The following DACH2 variants were observed in gnomAD, a reference collection of about 807,000 sequenced individuals.
DACH2 encodes the protein dachshund homolog 2.
Under a neutral mutation model 35.8 loss-of-function variants are expected in DACH2, and 17 were observed. The observed-to-expected ratio is 0.48, with a 90% confidence interval of 0.33 to 0.71. The LOEUF is 0.71. Among genes scored for constraint, DACH2 ranks in the 30% least tolerant of loss-of-function variants. DACH2 has a pLI of 0.02. For missense variants in DACH2, 469 were observed against 472.7 expected, an observed-to-expected ratio of 0.99 and a Z score of 0.07; for synonymous variants, 195 against 177.3, an observed-to-expected ratio of 1.10 and a Z score of -0.79.
intron 3 of DACH2, among the ~76,000 whole-genome samples, chrX:86,522,445 A>T (rs1190148456): frequency 8.9e-6 from 1 of 111,771 alleles, no homozygotes; most frequent in African/African-American, 3.2e-5. Context: ...TTTAGATATT[A>T]TATCTATGTA....
At chrX:86,172,029 C>A (rs1235166858) in intron 1 of DACH2, among the ~76,000 whole-genome samples, 1 of 111,814 alleles carries the variant, frequency 8.9e-6, no homozygotes, top group East Asian at 2.8e-4. Flanking sequence ...CAACTGCATT[C>A]GAGGTTATTT....
intron 1 of DACH2, chrX:86,160,438 C>G (rs2030712485): frequency 7.4e-6 from 4 of 537,993 alleles, no homozygotes; most frequent in Non-Finnish European, 9.9e-6. Flanking sequence ...CACCGGACTT[C>G]AAGAATTTAG....
intron 1 of DACH2, among the ~76,000 whole-genome samples, chrX:86,250,330 T>C (rs1005044193): frequency 3.6e-5 from 4 of 111,694 alleles, no homozygotes; most frequent in African/African-American, 9.7e-5. Flanking sequence ...TAAAATGTTG[T>C]CAATGTGGTC....
intron 3 of DACH2, among the ~76,000 whole-genome samples, chrX:86,643,533 C>G (rs2040375157): frequency 9.0e-6 from 1 of 111,051 alleles, no homozygotes; most frequent in African/African-American, 3.3e-5. Context: ...ACCAGATGTA[C>G]AAAGAAGAGC....
chrX:86,219,429 A>T (rs868816197), intron 1 of DACH2, among the ~76,000 whole-genome samples: 1 of 111,168 alleles, frequency 9.0e-6, no homozygotes, highest in African/African-American at 3.3e-5. Flanking sequence ...CCAGTACCCA[A>T]TAGTTATCTT....
intron 6 of DACH2, among the ~76,000 whole-genome samples, chrX:86,737,605 C>T (rs1274012749): frequency 9.0e-6 from 1 of 111,331 alleles, no homozygotes; most frequent in African/African-American, 3.3e-5. Flanking sequence ...AGTGGTTTAA[C>T]ACAGTGCAAA....
intron 11 of DACH2, among the ~76,000 whole-genome samples, chrX:86,824,960 T>G (rs2147367068): frequency 8.9e-6 from 1 of 112,403 alleles, no homozygotes; most frequent in East Asian, 2.8e-4. Flanking sequence ...TATATTTTGA[T>G]TTGTTTAAAA....
At chrX:86,672,893 A>C (rs2040781127) in intron 4 of DACH2, among the ~76,000 whole-genome samples, 1 of 111,713 alleles carries the variant, frequency 9.0e-6, no homozygotes, top group African/African-American at 3.3e-5. Flanking sequence ...TGCATTGTGC[A>C]CCTGGAAAAG....
chrX:86,171,126 G>T (rs1034170825), intron 1 of DACH2, among the ~76,000 whole-genome samples: 5 of 111,459 alleles, frequency 4.5e-5, no homozygotes, highest in Middle Eastern at 4.7e-3. Flanking sequence ...TAATGATTTT[G>T]GGGCCCCAAG....
chrX:86,551,260 G>A (rs1027921208), intron 3 of DACH2, among the ~76,000 whole-genome samples: 7 of 111,393 alleles, frequency 6.3e-5, no homozygotes, highest in Non-Finnish European at 1.3e-4. Flanking sequence ...CATAGCCCTT[G>A]GTCCCATGAC....
At chrX:86,372,733 G>A (rs1288698765) in intron 1 of DACH2, among the ~76,000 whole-genome samples, 13 of 110,965 alleles carry the variant, frequency 1.2e-4, no homozygotes, top group Admixed American at 9.6e-5. Flanking sequence ...GGTATATTGC[G>A]TGTTGCTGAG....
intron 6 of DACH2, among the ~76,000 whole-genome samples, chrX:86,735,221 T>C (rs2041582379): frequency 9.0e-6 from 1 of 111,675 alleles, no homozygotes; most frequent in Non-Finnish European, 1.9e-5. Flanking sequence ...ATGTTAGTAC[T>C]TCATAAATTC....
chrX:86,801,876 T>C (rs1484921380), intron 7 of DACH2, among the ~76,000 whole-genome samples: 1 of 112,295 alleles, frequency 8.9e-6, no homozygotes, highest in Non-Finnish European at 1.9e-5. Context: ...TGTTTTTTAC[T>C]ATTTTGTTTC....
At chrX:86,778,771 C>T (rs1318933813) in intron 7 of DACH2, among the ~76,000 whole-genome samples, 1 of 110,305 alleles carries the variant, frequency 9.1e-6, no homozygotes, top group Non-Finnish European at 1.9e-5. Context: ...CCACTGCACC[C>T]AACTAATTTT....
chrX:86,435,509 ATAT>A (rs1323675304), intron 2 of DACH2, among the ~76,000 whole-genome samples: 3 of 112,052 alleles, frequency 2.7e-5, no homozygotes, highest in Non-Finnish European at 3.8e-5. Flanking sequence ...TGACTTAAAA[ATAT>A]TATGATCCAT....
chrX:86,616,738 C>T (rs979728457), intron 3 of DACH2, among the ~76,000 whole-genome samples: 3 of 111,960 alleles, frequency 2.7e-5, no homozygotes, highest in African/African-American at 6.5e-5. Flanking sequence ...TTGGTAGTTT[C>T]TTTCACTGTG....
At chrX:86,399,514 C>T (rs975855620) in intron 2 of DACH2, among the ~76,000 whole-genome samples, 10 of 111,539 alleles carry the variant, frequency 9.0e-5, no homozygotes, top group East Asian at 2.8e-4. Context: ...TTGCAGTGGC[C>T]GGTACCAGTT....
chrX:86,260,683 A>G (rs766735858), intron 1 of DACH2, among the ~76,000 whole-genome samples: 3 of 111,985 alleles, frequency 2.7e-5, no homozygotes, highest in Non-Finnish European at 3.8e-5. Flanking sequence ...AAATCCAAAG[A>G]TCTCATTTAA....
chrX:86,273,060 A>G (rs925468941), intron 1 of DACH2, among the ~76,000 whole-genome samples: 6 of 111,855 alleles, frequency 5.4e-5, no homozygotes, highest in African/African-American at 1.6e-4. Flanking sequence ...AAATGACCCC[A>G]TGCCACTCAA....
Sources: allele counts gnomAD v4.1 joint callset (sites outside exome capture counted in the v4.1 genomes callset), GRCh38; gene constraint gnomAD v4.1.1; transcripts MANE v1.5; gene names NCBI Gene and HGNC (gene_info 2026-07-23, HGNC 2026-07-21).